Variants in FCGR1A observed in about 807,000 individuals in gnomAD.
FCGR1A encodes the protein Fc gamma receptor Ia, also known as high affinity immunoglobulin gamma Fc receptor I.
In FCGR1A, 13 loss-of-function variants were observed where a neutral mutation model predicts 35.0. The observed-to-expected ratio is 0.37, with a 90% CI of 0.24 to 0.59. The LOEUF (loss-of-function observed/expected upper bound fraction) is 0.59, where lower values mean the gene tolerates loss of function less well. Ranked by LOEUF, FCGR1A falls within the 20% of genes least tolerant of loss-of-function variation. FCGR1A has a pLI of 0.71. For missense variants in FCGR1A, 227 were observed against 430.0 expected, an observed-to-expected ratio of 0.53 and a Z score of 4.17; for synonymous variants, 91 against 164.7, an observed-to-expected ratio of 0.55 and a Z score of 3.43.
At chr1:149,800,011 C>G in the FCGR1A span, among the ~76,000 whole-genome samples, 1 of 151,968 alleles carries the variant, frequency 6.6e-6, no homozygotes, top group African/African-American at 2.4e-5. Context: ...AGACTGCCCC[C>G]ACTTCAAATG....
At chr1:149,784,700 CTATATA>C (rs34346480) in intron 3 of FCGR1A, among the ~76,000 whole-genome samples, 124 of 146,206 alleles carry the variant, frequency 8.5e-4, no homozygotes, top group Non-Finnish European at 1.5e-3. Flanking sequence ...TATATATAAA[CTATATA>C]TATATATATA....
rs1161084692 is a variant in FCGR1A at position 149,784,225 on chromosome 1, G to A, written c.275G>A (p.Arg92Gln). ...AGGTGCCAGAGAGGTCTCTCAGGGC[G>A]AAGTGACCCCATACAGCTGGAAATC... is the stretch of plus-strand genomic sequence containing the variant. Reference protein sequence around the residue: ...EYRCQRGLSGRSDPIQLEIHR... With the variant: ...EYRCQRGLSGQSDPIQLEIHR... Residue 92 changes from arginine to glutamine, a missense_variant, in exon 3 of 6, where the codon CGA becomes CAA. Coordinates refer to ENST00000369168, the MANE Select transcript of FCGR1A (RefSeq NM_000566.4). 3.7e-6 allele frequency: 6 copies of A among 1,611,028 alleles called. No individual in the cohort carries two copies. Among genetic ancestry groups the A allele is most frequent in the Admixed American group, 1.7e-5 (1 of 59,940 alleles).
Position 149,791,499 on chromosome 1 carries a change from G to A in FCGR1A, c.1107G>A (p.Glu369=). 1 of 1,609,624 alleles carries A rather than the reference G, an allele frequency of 6.2e-7. No individual in the cohort carries two copies. Among genetic ancestry groups the A allele is most frequent in the East Asian group, 2.2e-5 (1 of 44,778 alleles). Residue 369 remains glutamate, a synonymous_variant, in exon 6 of 6, where the codon GAG becomes GAA. Transcript: ENST00000369168. ...TGCAGGAAGGGGTGCACCGGAAGGA[G>A]CCCCAGGGGGCCACGTAGCAGCGGC... is the stretch of plus-strand genomic sequence containing the variant. ...EQLQEGVHRK[E]PQGAT
At chr1:149,785,418 T>TG (rs1171062440) in intron 3 of FCGR1A, among the ~76,000 whole-genome samples, 2 of 134,084 alleles carry the variant, frequency 1.5e-5, no homozygotes, top group African/African-American at 5.5e-5. Flanking sequence ...GTTTTTTTTT[T>TG]TTTTTTTTTT....
downstream of FCGR1A, chr1:149,793,846 C>A (rs1346371184): frequency 1.6e-6 from 2 of 1,257,088 alleles, no homozygotes; most frequent in African/African-American, 1.5e-5. Flanking sequence ...GAGAAGTAAT[C>A]CCCAAAGCAG....
In FCGR1A at chr1:149,790,126, G is replaced by C. The variant is rs587703889; in HGVS notation, c.632G>C (p.Ser211Thr). ...CTGGAGGGGAATCTGGTCACCCTGA[G>C]CTGTGAAACAAAGTTGCTCTTGCAG... is the stretch of plus-strand genomic sequence containing the variant. ...PLLEGNLVTL[S>T]CETKLLLQRP... The change falls in exon 5 of 6, where the codon AGC becomes ACC. Residue 211 changes from serine (S) to threonine (T), a missense_variant. Physicochemically the swap from Ser to Thr is moderately conservative, Grantham distance 58. Coordinates refer to ENST00000369168, the MANE Select transcript of FCGR1A (RefSeq NM_000566.4). The C allele has an allele frequency of 6.2e-7, 1 of 1,613,916 alleles. No homozygotes were observed. Among genetic ancestry groups the C allele is most frequent in the East Asian group, 2.2e-5 (1 of 44,882 alleles).
the FCGR1A span, among the ~76,000 whole-genome samples, chr1:149,797,607 T>C: frequency 6.6e-5 from 10 of 152,204 alleles, no homozygotes; most frequent in Non-Finnish European, 1.2e-4. Context: ...TTGTTAGCGT[T>C]TGAGTTAAAA....
the FCGR1A span, among the ~76,000 whole-genome samples, chr1:149,800,392 C>T: frequency 6.6e-6 from 1 of 150,982 alleles, no homozygotes; most frequent in Non-Finnish European, 1.5e-5. Flanking sequence ...GCCCCTCTCC[C>T]CTCCCCGGAA....
At chr1:149,791,939 G>GACAA (rs2091722978), downstream of FCGR1A, 1 of 183,418 alleles carries the variant, frequency 5.5e-6, no homozygotes, top group African/African-American at 3.2e-5. Context: ...TAGACAATAA[G>GACAA]GAAGGAAATA....
the FCGR1A span, among the ~76,000 whole-genome samples, chr1:149,796,935 CAG>C: frequency 6.6e-6 from 1 of 152,098 alleles, no homozygotes; most frequent in South Asian, 2.1e-4. Flanking sequence ...TTTTTTGAGA[CAG>C]AGTTTCGTTG....
At position 149,785,407 on chromosome 1, in the gene FCGR1A, C is replaced by CCTTT. The variant is rs1553750700; in HGVS notation, c.307+1150_307+1151insCTTT. Reference sequence around the variant, plus strand: ...GTTAGGGAAGCTGACAGAGCTGTTTCGTTTTTTTTTTTTTTTTTTTTTTTT... The same window carrying CCTTT: ...GTTAGGGAAGCTGACAGAGCTGTTTCCTTTGTTTTTTTTTTTTTTTTTTTTTTTT... On this transcript the variant is annotated intron_variant, in intron 3 of 5. Transcript: ENST00000369168. Among the ~76,000 whole-genome samples the CCTTT allele has an allele frequency of 5.4e-3, 401 of 74,518 alleles. 40 individuals are homozygous for CCTTT. The highest frequency in any genetic ancestry group is 0.014 in the African/African-American group (315 of 21,892). The allele number at this position is 74,518 out of a possible 152,430, so 48.9% of individuals were successfully genotyped here.
intron 3 of FCGR1A, 56 bp downstream of exon 3, chr1:149,784,313 T>C (rs1474190361): frequency 1.2e-6 from 2 of 1,610,480 alleles, no homozygotes; most frequent in Admixed American, 1.7e-5. Flanking sequence ...CTCTGCGTTC[T>C]CTCCTTTCTG....
chr1:149,790,131 G>A lies in FCGR1A; in HGVS notation c.637G>A (p.Glu213Lys). 1 of 1,613,948 alleles carries A rather than the reference G, an allele frequency of 6.2e-7. No homozygotes were observed. The highest frequency in any genetic ancestry group is 8.5e-7 in the Non-Finnish European group (1 of 1,179,872). The change falls in exon 5 of 6, where the codon GAA becomes AAA. Residue 213 changes from glutamate to lysine, a missense_variant. Physicochemically the swap from Glu to Lys is moderately conservative, Grantham distance 56. Around this residue, in one of 3 missense-constraint regions of FCGR1A, gnomAD observed 185 missense variants for 306.6 expected, o/e 0.60. Coordinates refer to ENST00000369168, the MANE Select transcript of FCGR1A (RefSeq NM_000566.4). The stretch of plus-strand genomic sequence containing the variant: ...GGGGAATCTGGTCACCCTGAGCTGT[G>A]AAACAAAGTTGCTCTTGCAGAGGCC... ...LEGNLVTLSC[E>K]TKLLLQRPGL...
intron 4 of FCGR1A, among the ~76,000 whole-genome samples, chr1:149,789,659 A>G (rs2091651701): frequency 6.6e-6 from 1 of 152,142 alleles, no homozygotes; most frequent in African/African-American, 2.4e-5. Flanking sequence ...CTCCTGTCCA[A>G]TCAGTGGCAA....
At chr1:149,799,492 T>G in the FCGR1A span, among the ~76,000 whole-genome samples, 12 of 152,002 alleles carry the variant, frequency 7.9e-5, no homozygotes, top group South Asian at 2.1e-4. Context: ...CCTCCTTTTA[T>G]TCCTTTATTT....
At chr1:149,785,565 G>A (rs1285691688) in intron 3 of FCGR1A, 1 of 151,624 alleles carries the variant, frequency 6.6e-6, no homozygotes, top group Non-Finnish European at 1.5e-5. Flanking sequence ...TGGTTCAAGT[G>A]ACAACAAAAG....
At chr1:149,789,569 G>T (rs587686412) in intron 4 of FCGR1A, among the ~76,000 whole-genome samples, 33 of 152,300 alleles carry the variant, frequency 2.2e-4, no homozygotes, top group African/African-American at 7.9e-4. Flanking sequence ...AACCCTTACT[G>T]GTCCGTGGCC....
intron 4 of FCGR1A, among the ~76,000 whole-genome samples, 188 bp from the exon 5 acceptor site, chr1:149,789,866 G>A (rs587727427): frequency 1.3e-5 from 2 of 152,298 alleles, no homozygotes; most frequent in East Asian, 3.9e-4. Context: ...GACTCAGCAA[G>A]CTGGCAACCC....
downstream of FCGR1A, chr1:149,793,133 G>A (rs1294643094): frequency 1.6e-6 from 2 of 1,274,612 alleles, no homozygotes; most frequent in South Asian, 1.2e-5. Flanking sequence ...GCGCCCGGCC[G>A]AGCCTCCGCG....
Sources: allele counts gnomAD v4.1 joint callset (sites outside exome capture counted in the v4.1 genomes callset), GRCh38; gene constraint gnomAD v4.1.1; regional missense constraint gnomAD v4.1.1; transcripts MANE v1.5; gene names NCBI Gene and HGNC (gene_info 2026-07-23, HGNC 2026-07-21).